Variants in TICAM1 observed in about 807,000 individuals in gnomAD.
TICAM1 encodes TIR domain containing adaptor molecule 1, also known as TIR domain-containing adapter molecule 1.
For missense variants in TICAM1, 895 were observed against 938.2 expected (o/e 0.95, Z 0.60); for synonymous variants, 439 against 415.4 (o/e 1.06, Z -0.69).
chr19:4,829,060 C>G (rs905576674), intron 1 of TICAM1, among the ~76,000 whole-genome samples: 1 of 152,106 alleles, frequency 6.6e-6, no homozygotes, highest in Admixed American at 6.6e-5. Flanking sequence ...GTCTCGAACT[C>G]CTGACCTCAA....
intron 1 of TICAM1, among the ~76,000 whole-genome samples, chr19:4,822,126 G>A (rs2093598653): frequency 6.6e-6 from 1 of 150,898 alleles, no homozygotes. Flanking sequence ...GTAGAGACGG[G>A]GTTTCTCCGT....
At chr19:4,827,482 G>A (rs1371216969) in intron 1 of TICAM1, among the ~76,000 whole-genome samples, 3 of 134,348 alleles carry the variant, frequency 2.2e-5, no homozygotes, top group Admixed American at 7.7e-5. Context: ...TGGGCTGGGC[G>A]CGGTGGCTCA....
chr19:4,819,356 T>A (rs952100332), intron 1 of TICAM1, among the ~76,000 whole-genome samples: 64 of 152,128 alleles, frequency 4.2e-4, no homozygotes, highest in Admixed American at 1.8e-3. Flanking sequence ...TTTCCCCATT[T>A]ACAGATGAAG....
At chr19:4,826,386 A>G (rs111933908) in intron 1 of TICAM1, among the ~76,000 whole-genome samples, 1,941 of 152,058 alleles carry the variant, frequency 0.013, 42 homozygotes, top group African/African-American at 0.045. Context: ...GTGCAATGGC[A>G]TGATCTCGAC....
intron 1 of TICAM1, among the ~76,000 whole-genome samples, chr19:4,830,719 CG>C (rs1305089066): frequency 6.6e-6 from 1 of 152,128 alleles, no homozygotes; most frequent in Non-Finnish European, 1.5e-5. Flanking sequence ...AGCCATGAGC[CG>C]GGGGCTGTGT....
In TICAM1 at chr19:4,816,869, C is replaced by A. The variant is rs538901003; in HGVS notation, c.1509G>T (p.Thr503=). The A allele has an allele frequency of 1.4e-5, 23 of 1,612,524 alleles. No homozygotes were observed. Among genetic ancestry groups the A allele is most frequent in the Admixed American group, 8.3e-5 (5 of 59,994 alleles). Residue 503 remains threonine, a synonymous_variant, in exon 2 of 2, where the codon ACG becomes ACT. Coordinates refer to ENST00000248244, the MANE Select transcript of TICAM1 (RefSeq NM_182919.4). This position sits in a 1 kb window ranked among gnomAD's most constrained non-coding sequence, Gnocchi z 4.3. ...GCACCAGCCCGGAGAGCAGGCTGGC[C>A]GTGTCGGAGCTGAGCTGGGCCGGGG... ...ESSPAQLSSD[T]ASLLSGLVRL...
At chr19:4,821,050 G>T (rs1487971023) in intron 1 of TICAM1, among the ~76,000 whole-genome samples, 2 of 131,520 alleles carry the variant, frequency 1.5e-5, no homozygotes, top group East Asian at 2.2e-4. Flanking sequence ...AAAAAAAATT[G>T]CCAGACATGG....
intron 1 of TICAM1, among the ~76,000 whole-genome samples, chr19:4,822,938 T>A (rs1352651201): frequency 6.6e-6 from 1 of 152,190 alleles, no homozygotes; most frequent in Non-Finnish European, 1.5e-5. Context: ...CTCCAGTAGC[T>A]CAGAATGTGA....
intron 1 of TICAM1, among the ~76,000 whole-genome samples, chr19:4,825,809 A>G (rs968104751): frequency 6.6e-6 from 1 of 151,960 alleles, no homozygotes; most frequent in Non-Finnish European, 1.5e-5. Flanking sequence ...AATAAAAAAT[A>G]TTAGCAGGGC....
rs1405048646 is a variant in TICAM1 at position 4,818,482 on chromosome 19, C to G, written c.-105G>C. Reference sequence around the variant, plus strand: ...ACGCCCAGTGTCCCCTACCCATTCACTGTTCCAGGTTCTGCAGGAGCTGCC... The same window carrying G: ...ACGCCCAGTGTCCCCTACCCATTCAGTGTTCCAGGTTCTGCAGGAGCTGCC... On this transcript the variant is annotated 5_prime_UTR_variant, in exon 2 of 2. Transcript: ENST00000248244. The surrounding 1 kb of genome is among the most constrained non-coding windows in gnomAD (Gnocchi z 4.0). 2.8e-6 allele frequency: 4 copies of G among 1,449,864 alleles called. No individual in the cohort carries two copies. Among genetic ancestry groups the G allele is most frequent in the Admixed American group, 2.9e-5 (1 of 35,054 alleles). 89.8% of individuals were successfully genotyped at this position (1,449,864 alleles called of 1,614,324 possible).
At chr19:4,822,704 T>C (rs986985581) in intron 1 of TICAM1, among the ~76,000 whole-genome samples, 2 of 152,202 alleles carry the variant, frequency 1.3e-5, no homozygotes, top group East Asian at 3.8e-4. Context: ...CAGAAAAAGC[T>C]TGTAGACACC....
In TICAM1 at chr19:4,817,054, G is replaced by A; in HGVS notation, c.1324C>T (p.Leu442=). ...GCTGAGTGGTCTATGGCGTCCTGCA[G>A]GCAGCTCAGCTCCCCGCGCCCCGGC... is the stretch of plus-strand genomic sequence containing the variant. ...QVPGRGELSC[L]QDAIDHSAFI... The change falls in exon 2 of 2, where the codon CTG becomes TTG. Residue 442 remains leucine (L), a synonymous_variant. Coordinates refer to ENST00000248244, the MANE Select transcript of TICAM1 (RefSeq NM_182919.4). This position sits in a 1 kb window ranked among gnomAD's most constrained non-coding sequence, Gnocchi z 4.7. 6.2e-7 allele frequency: 1 copy of A among 1,614,144 alleles called. No individual in the cohort carries two copies. The highest frequency in any genetic ancestry group is 8.5e-7 in the Non-Finnish European group (1 of 1,180,022).
At chr19:4,827,025 T>TAAA (rs35902313) in intron 1 of TICAM1, among the ~76,000 whole-genome samples, 2 of 151,156 alleles carry the variant, frequency 1.3e-5, no homozygotes, top group Admixed American at 6.6e-5. Context: ...ATAATAATAA[T>TAAA]AAAATAATGC....
chr19:4,827,733 G>T (rs1449900614), intron 1 of TICAM1, among the ~76,000 whole-genome samples: 1 of 150,784 alleles, frequency 6.6e-6, no homozygotes, highest in Non-Finnish European at 1.5e-5. Flanking sequence ...ACTCCAGCCT[G>T]GGTGACAGAG....
rs775806785 is a variant in TICAM1, at chr19:4,816,893, G to A, written c.1485C>T (p.Ser495=). Residue 495 remains serine, a synonymous_variant, in exon 2 of 2, where the codon TCC becomes TCT. Coordinates refer to ENST00000248244, the MANE Select transcript of TICAM1 (RefSeq NM_182919.4). The surrounding 1 kb of genome is among the most constrained non-coding windows in gnomAD (Gnocchi z 4.3). Reference sequence around the variant, plus strand: ...CCGTGTCGGAGCTGAGCTGGGCCGGGGAGCTCTCCAGGGGCAGGAAGGGGA... The same window carrying A: ...CCGTGTCGGAGCTGAGCTGGGCCGGAGAGCTCTCCAGGGGCAGGAAGGGGA... ...CVIPFLPLES[S]PAQLSSDTAS... The A allele has an allele frequency of 7.4e-6, 12 of 1,613,092 alleles. No homozygotes were observed.
intron 1 of TICAM1, among the ~76,000 whole-genome samples, chr19:4,821,291 TC>T (rs1191418890): frequency 2.0e-5 from 3 of 152,130 alleles, no homozygotes; most frequent in Admixed American, 2.0e-4. Flanking sequence ...AATGGACTCT[TC>T]CCTGGAGCAA....
chr19:4,831,059 A>G (rs547327856), intron 1 of TICAM1, among the ~76,000 whole-genome samples: 1 of 151,664 alleles, frequency 6.6e-6, no homozygotes, highest in East Asian at 1.9e-4. Context: ...TCAGGGAGGA[A>G]TTTGGGGTGT....
At position 4,818,511 on chromosome 19, in the gene TICAM1, G is replaced by A. The variant is rs2093591912; in HGVS notation, c.-134C>T. On this transcript the variant is annotated 5_prime_UTR_variant, in exon 2 of 2. Transcript: ENST00000248244. This position sits in a 1 kb window ranked among gnomAD's most constrained non-coding sequence, Gnocchi z 4.0. The stretch of plus-strand genomic sequence containing the variant: ...TCCAGGTTCTGCAGGAGCTGCCCAA[G>A]CAGATCTGTAGGAAACAGGAGAAGC... 7 of 1,432,694 alleles carry A rather than the reference G, an allele frequency of 4.9e-6. No homozygotes were observed. In the South Asian group the frequency reaches 9.4e-5, roughly 19 times the overall value. The allele number at this position is 1,432,694 out of a possible 1,614,324, so 88.7% of individuals were successfully genotyped here. A position where few individuals can be genotyped will look rare whatever the true frequency, so the allele number is the denominator to read the frequency against.
At position 4,817,779 on chromosome 19, in the gene TICAM1, G is replaced by C; in HGVS notation, c.599C>G (p.Pro200Arg). The C allele has an allele frequency of 6.2e-7, 1 of 1,602,524 alleles. No homozygotes were observed. The highest frequency in any genetic ancestry group is 8.5e-7 in the Non-Finnish European group (1 of 1,177,108). Residue 200 changes from proline (P) to arginine (R), a missense_variant, in exon 2 of 2, where the codon CCT (proline) becomes CGT (arginine). By Grantham distance (103) the Pro-to-Arg change is moderately radical. Coordinates refer to ENST00000248244, the MANE Select transcript of TICAM1 (RefSeq NM_182919.4). The surrounding 1 kb of genome is among the most constrained non-coding windows in gnomAD (Gnocchi z 4.7). ...QGCSLRSTGS[P>R]ASLASNLEIS... ...TTCCAAGTTGCTGGCCAGGGAGGCA[G>C]GGCTGCCAGTGGATCGCAGGGAGCA... is the stretch of plus-strand genomic sequence containing the variant.
Sources: allele counts gnomAD v4.1 joint callset (sites outside exome capture counted in the v4.1 genomes callset), GRCh38; gene constraint gnomAD v4.1.1; non-coding constraint Gnocchi (gnomAD v3.1); transcripts MANE v1.5; gene names NCBI Gene and HGNC (gene_info 2026-07-23, HGNC 2026-07-21).